Variants in SHTN1 observed in about 807,000 individuals in gnomAD.
The protein encoded by SHTN1 is shootin 1, also known as shootin-1.
In SHTN1, 42 loss-of-function variants were observed where a neutral mutation model predicts 83.1. The observed-to-expected ratio is 0.51, with a 90% CI of 0.39 to 0.65. The LOEUF is 0.65. Ranked by LOEUF, SHTN1 falls within the 30% of genes least tolerant of loss-of-function variation. SHTN1 has a pLI of 0.00. For missense variants in SHTN1, 622 were observed against 737.8 expected (o/e 0.84, Z 1.82); for synonymous variants, 224 against 247.7 (o/e 0.90, Z 0.90).
intron 7 of SHTN1, among the ~76,000 whole-genome samples, chr10:116,947,314 CCT>C (rs1849631544): frequency 6.6e-6 from 1 of 152,128 alleles, no homozygotes; most frequent in African/African-American, 2.4e-5. Context: ...TCACCTCCAC[CCT>C]GAGCTGAGTC....
rs142434549 is a variant in SHTN1, at chr10:116,918,943, C to T, written c.1195+2491G>A. On this transcript the variant is annotated intron_variant, in intron 12 of 16. Transcript: ENST00000355371. Reference sequence around the variant, plus strand: ...ATCTTCAGAGTGTAATGATCTCTTACATTCAATTATTAAAACTATCTATAA... The same window carrying T: ...ATCTTCAGAGTGTAATGATCTCTTATATTCAATTATTAAAACTATCTATAA... 1.1e-4 allele frequency among the ~76,000 whole-genome samples: 17 copies of T among 152,266 alleles called. No homozygotes were observed. The East Asian group carries it at 3.3e-3, about 29-fold the overall frequency.
At position 116,987,899 on chromosome 10, in the gene SHTN1, G is replaced by A. The variant is rs1401784383; in HGVS notation, c.59-8591C>T. On this transcript the variant is annotated intron_variant, in intron 1 of 16. Transcript: ENST00000355371. ...CACTGCACTCCAATCTGGTAACAGC[G>A]AGACTCCGTCTCAAAAAAACAAACA... is the stretch of plus-strand genomic sequence containing the variant. 5.3e-5 allele frequency among the ~76,000 whole-genome samples: 8 copies of A among 150,610 alleles called. No homozygotes were observed. In the East Asian group the frequency reaches 1.2e-3, roughly 22 times the overall value.
At chr10:117,006,230 GT>G (rs994533905), upstream of SHTN1, among the ~76,000 whole-genome samples, 6 of 24,054 alleles carry the variant, frequency 2.5e-4, no homozygotes, top group African/African-American at 3.0e-4. Flanking sequence ...TTATAATGCA[GT>G]TTTTTTTTGT....
intron 8 of SHTN1, among the ~76,000 whole-genome samples, chr10:116,943,894 T>C (rs1849474815): frequency 6.6e-6 from 1 of 152,186 alleles, no homozygotes; most frequent in Non-Finnish European, 1.5e-5. Context: ...CTTTTGAGTT[T>C]AGCCCATTGG....
intron 1 of SHTN1, among the ~76,000 whole-genome samples, chr10:117,064,519 G>T (rs1467800518): frequency 6.6e-6 from 1 of 152,092 alleles, no homozygotes; most frequent in Admixed American, 6.6e-5. Context: ...GCTGGGTGTG[G>T]TGGTGGGCGC....
At chr10:116,929,032 T>C (rs903306447) in intron 10 of SHTN1, among the ~76,000 whole-genome samples, 3 of 152,166 alleles carry the variant, frequency 2.0e-5, no homozygotes, top group African/African-American at 7.2e-5. Context: ...TTTGGATCAA[T>C]TAAAAAATAA....
intron 5 of SHTN1, among the ~76,000 whole-genome samples, 198 bp downstream of exon 5, chr10:116,953,844 G>T (rs1425391108): frequency 1.3e-5 from 2 of 151,778 alleles, no homozygotes; most frequent in Non-Finnish European, 2.9e-5. Flanking sequence ...GGCCAAGTTG[G>T]TCTCCAACTC....
Position 116,979,271 on chromosome 10 carries a change from C to A in SHTN1, c.96G>T (p.Gln32His), listed in dbSNP as rs761679868. ...GEYEDLRAEN[Q>H]KTKEKCDKIR... Reference sequence around the variant, plus strand: ...AAGTACAAACCTTCTCCTTTGTTTTCTGGTTCTCTGCTCTAAGGTCTTCAT... The same window carrying A: ...AAGTACAAACCTTCTCCTTTGTTTTATGGTTCTCTGCTCTAAGGTCTTCAT... Residue 32 changes from glutamine to histidine, a missense_variant, in exon 2 of 17, where the codon CAG (glutamine) becomes CAT (histidine). Physicochemically the swap from Gln to His is conservative, Grantham distance 24 (BLOSUM62 0). Coordinates refer to ENST00000355371, the MANE Select transcript of SHTN1 (RefSeq NM_001127211.3). The A allele has an allele frequency of 6.2e-7, 1 of 1,613,780 alleles. No homozygotes were observed. Among genetic ancestry groups the A allele is most frequent in the Non-Finnish European group, 8.5e-7 (1 of 1,179,852 alleles).
chr10:116,965,855 C>A (rs928247675), intron 3 of SHTN1, among the ~76,000 whole-genome samples: 2 of 152,176 alleles, frequency 1.3e-5, no homozygotes, highest in African/African-American at 4.8e-5. Flanking sequence ...GAAATGGATT[C>A]ACACAAACTA....
In SHTN1 at chr10:116,954,143, A is replaced by C; in HGVS notation, c.335T>G (p.Val112Gly). 2 of 1,613,792 alleles carry C rather than the reference A, an allele frequency of 1.2e-6. No individual in the cohort carries two copies. Among genetic ancestry groups the C allele is most frequent in the Non-Finnish European group, 1.7e-6 (2 of 1,179,786 alleles). The change falls in exon 5 of 17, where the codon GTA (valine) becomes GGA (glycine). Residue 112 changes from valine to glycine, a missense_variant. This residue lies in a region of SHTN1 where 383 missense variants were observed against 455.8 expected (regional missense o/e 0.84). Transcript: ENST00000355371. ...ATCAATGTTTATCTCTTCAGTTATT[A>C]CATCTGGTCCCAGCTTGGCCATGTA... is the stretch of plus-strand genomic sequence containing the variant. ...MLYMAKLGPDVITEEINIDDE... is the reference protein window; with the variant it reads ...MLYMAKLGPDGITEEINIDDE...
intron 1 of SHTN1, among the ~76,000 whole-genome samples, chr10:117,058,036 C>T (rs1852850166): frequency 6.6e-6 from 1 of 152,108 alleles, no homozygotes; most frequent in African/African-American, 2.4e-5. Context: ...ACTCGAAATG[C>T]ATCAAAGACC....
chr10:116,955,775 C>T (rs145743832), intron 4 of SHTN1, among the ~76,000 whole-genome samples: 2 of 152,282 alleles, frequency 1.3e-5, no homozygotes, highest in Non-Finnish European at 2.9e-5. Flanking sequence ...ATGAACTCTT[C>T]CATGGATTCT....
intron 2 of SHTN1, among the ~76,000 whole-genome samples, chr10:116,969,401 A>T (rs1227140151): frequency 6.6e-6 from 1 of 152,144 alleles, no homozygotes; most frequent in Non-Finnish European, 1.5e-5. Flanking sequence ...AGATCACACC[A>T]TTGCACTCCA....
chr10:117,049,903 A>G (rs1210634037), intron 1 of SHTN1, among the ~76,000 whole-genome samples: 1 of 152,230 alleles, frequency 6.6e-6, no homozygotes, highest in Admixed American at 6.5e-5. Flanking sequence ...TGCTTATATT[A>G]GAAAATAGGA....
At chr10:117,092,680 T>C (rs1214709441) in intron 1 of SHTN1, among the ~76,000 whole-genome samples, 2 of 152,178 alleles carry the variant, frequency 1.3e-5, no homozygotes, top group Admixed American at 1.3e-4. Context: ...ATAGTTTATG[T>C]ACTGGAATAA....
At chr10:116,903,653 C>T (rs879933326) in intron 15 of SHTN1, among the ~76,000 whole-genome samples, 8 of 152,076 alleles carry the variant, frequency 5.3e-5, no homozygotes, top group Non-Finnish European at 7.3e-5. Context: ...AATATAAATA[C>T]GAAGTTGAAT....
intron 1 of SHTN1, among the ~76,000 whole-genome samples, chr10:117,098,054 A>G (rs927165673): frequency 6.6e-6 from 1 of 151,990 alleles, no homozygotes; most frequent in Non-Finnish European, 1.5e-5. Flanking sequence ...CCAGTAGTGA[A>G]GATTTTCTGA....
Position 116,960,050 on chromosome 10 carries a change from A to C in SHTN1, c.267+86T>G, listed in dbSNP as rs1414317831. 15 of 764,370 alleles carry C rather than the reference A, an allele frequency of 2.0e-5. No homozygotes were observed. The East Asian group carries it at 3.8e-4, about 19-fold the overall frequency. The allele number at this position is 764,370 out of a possible 1,614,324, so 47.3% of individuals were successfully genotyped here. A position where few individuals can be genotyped will look rare whatever the true frequency, so the allele number is the denominator to read the frequency against. ...GTAGATAATCGATTAGAGAAGTAGA[A>C]AAGCAAAACCAGATAGAAGCCACTG... is the stretch of plus-strand genomic sequence containing the variant. On this transcript the variant is annotated intron_variant, in intron 4 of 16. Coordinates refer to ENST00000355371, the MANE Select transcript of SHTN1 (RefSeq NM_001127211.3).
chr10:116,959,728 A>T (rs1850112492), intron 4 of SHTN1, among the ~76,000 whole-genome samples: 2 of 152,300 alleles, frequency 1.3e-5, no homozygotes, highest in South Asian at 4.2e-4. Flanking sequence ...GCACGGCTTC[A>T]GGGTGACTTT....
Sources: gnomAD v4.1 joint callset for allele counts (sites outside exome capture counted in the v4.1 genomes callset) on GRCh38, gnomAD v4.1.1 for gene constraint, gnomAD v4.1.1 regional missense constraint, MANE v1.5 for transcripts, NCBI Gene and HGNC (gene_info 2026-07-23, HGNC 2026-07-21) for gene names.